The following NUFIP1 variants were observed in gnomAD, a reference collection of about 807,000 sequenced individuals.
The protein encoded by NUFIP1 is FMR1-interacting protein NUFIP1.
In NUFIP1, 38 loss-of-function variants were observed where a neutral mutation model predicts 56.2. The observed-to-expected ratio is 0.68, with a 90% confidence interval of 0.52 to 0.89. The LOEUF is 0.89. Ranked by LOEUF, NUFIP1 falls within the 40% of genes least tolerant of loss-of-function variation. The pLI, the probability that NUFIP1 is intolerant of heterozygous loss-of-function variation, is 0.00. For missense variants in NUFIP1, 567 were observed against 605.8 expected (o/e 0.94, Z 0.67); for synonymous variants, 215 against 212.4 (o/e 1.01, Z -0.10).
chr13:44,959,206 G>C (rs1356011139), intron 7 of NUFIP1, among the ~76,000 whole-genome samples, 175 bp downstream of exon 7: 1 of 152,132 alleles, frequency 6.6e-6, no homozygotes, highest in African/African-American at 2.4e-5. Flanking sequence ...ACTCAGAAAA[G>C]ATGTTCTGAA....
intron 1 of NUFIP1, among the ~76,000 whole-genome samples, chr13:44,986,572 G>C (rs1171136525): frequency 6.6e-6 from 1 of 151,720 alleles, no homozygotes; most frequent in Non-Finnish European, 1.5e-5. Context: ...GGCGCCTGTA[G>C]TCCCAGCTAC....
At chr13:44,961,444 A>T (rs1474202134) in intron 6 of NUFIP1, among the ~76,000 whole-genome samples, 1 of 152,242 alleles carries the variant, frequency 6.6e-6, no homozygotes, top group Non-Finnish European at 1.5e-5. Flanking sequence ...AGAGCAAGAT[A>T]ACACATTAAG....
Position 44,989,302 on chromosome 13 carries a change from T to TGGCGGC in NUFIP1, c.129_134dup (p.Pro48_Pro49dup). The TGGCGGC allele has an allele frequency of 6.2e-7, 1 of 1,613,242 alleles. No homozygotes were observed. Among genetic ancestry groups the TGGCGGC allele is most frequent in the Non-Finnish European group, 8.5e-7 (1 of 1,179,822 alleles). The stretch of plus-strand genomic sequence containing the variant: ...GCGAGGACGTAAGTGGTGGTGGCGG[T>TGGCGGC]GGCGGCAGCATTGCCCAGAACATCC... On this transcript the variant is annotated inframe_insertion, in exon 1 of 10. Transcript: ENST00000379161.
intron 1 of NUFIP1, among the ~76,000 whole-genome samples, chr13:44,984,031 G>A (rs1042652201): frequency 3.3e-5 from 5 of 152,042 alleles, no homozygotes; most frequent in Non-Finnish European, 5.9e-5. Context: ...GACCTTCCAT[G>A]AGATTCTAAT....
chr13:44,973,022 A>G (rs912638033), intron 5 of NUFIP1, among the ~76,000 whole-genome samples: 1 of 152,258 alleles, frequency 6.6e-6, no homozygotes, highest in Non-Finnish European at 1.5e-5. Flanking sequence ...TTTCTTGCTA[A>G]CATTAGAAAA....
intron 5 of NUFIP1, among the ~76,000 whole-genome samples, chr13:44,968,493 T>C (rs1871689594): frequency 6.6e-6 from 1 of 150,914 alleles, no homozygotes; most frequent in Non-Finnish European, 1.5e-5. Flanking sequence ...CAAAGAAAGA[T>C]GAAAGGAACT....
chr13:44,941,659 A>G (rs1337392896), intron 9 of NUFIP1, among the ~76,000 whole-genome samples: 1 of 151,680 alleles, frequency 6.6e-6, no homozygotes, highest in Non-Finnish European at 1.5e-5. Context: ...GACTACAGAC[A>G]CCCGCCACCA....
rs1160679332 is a variant in NUFIP1 at position 44,989,404 on chromosome 13, AG to A, written c.32del (p.Pro11LeufsTer10). Reference sequence around the variant, plus strand: ...GCTCGGGAGACGCATGCCACCCGATAGGAGTCTCGAAATCACTAGTCGGCTC... The same window carrying A: ...GCTCGGGAGACGCATGCCACCCGATAGAGTCTCGAAATCACTAGTCGGCTC... MAEPTSDFET[P>X]IGWHASPELT... On this transcript the variant is annotated frameshift_variant, in exon 1 of 10. Transcript: ENST00000379161. LOFTEE classifies it high-confidence loss of function. The A allele has an allele frequency of 6.2e-7, 1 of 1,613,670 alleles. No homozygotes were observed. The highest frequency in any genetic ancestry group is 8.5e-7 in the Non-Finnish European group (1 of 1,179,878).
intron 3 of NUFIP1, 105 bp downstream of exon 3, chr13:44,980,617 G>T: frequency 1.2e-6 from 1 of 829,628 alleles, no homozygotes; most frequent in Non-Finnish European, 1.9e-6. Flanking sequence ...TATCTCTACA[G>T]AAACTATAAA....
intron 6 of NUFIP1, among the ~76,000 whole-genome samples, chr13:44,965,137 TGA>T (rs1347372378): frequency 6.6e-6 from 1 of 152,142 alleles, no homozygotes; most frequent in Admixed American, 6.6e-5. Flanking sequence ...ACTGAGTGAA[TGA>T]GTCTCATGAG....
intron 1 of NUFIP1, among the ~76,000 whole-genome samples, chr13:44,986,446 C>T (rs931422192): frequency 1.3e-5 from 2 of 152,152 alleles, no homozygotes; most frequent in African/African-American, 4.8e-5. Context: ...AATCCCAACA[C>T]TTTGGGAGGC....
intron 7 of NUFIP1, among the ~76,000 whole-genome samples, chr13:44,956,793 G>A (rs532110496): frequency 3.7e-4 from 57 of 152,094 alleles, no homozygotes; most frequent in East Asian, 9.7e-4. Context: ...GCTGCTCCCC[G>A]CCTCCCCATC....
rs529009344 is a variant in NUFIP1 at position 44,977,064 on chromosome 13, G to C, written c.734+2126C>G. Among the ~76,000 whole-genome samples, 22 of 130,210 alleles carry C rather than the reference G, an allele frequency of 1.7e-4. No homozygotes were observed. The Middle Eastern group carries it at 0.011, about 67-fold the overall frequency. The allele number at this position is 130,210 out of a possible 152,430, so 85.4% of individuals were successfully genotyped here. On this transcript the variant is annotated intron_variant, in intron 5 of 9. Transcript: ENST00000379161. Reference sequence around the variant, plus strand: ...TTTTGGGGGACACATTTAAACCACAGCATGGTCCACACTCCTTCAACTTCT... The same window carrying C: ...TTTTGGGGGACACATTTAAACCACACCATGGTCCACACTCCTTCAACTTCT...
chr13:44,962,841 A>G (rs930326342), intron 6 of NUFIP1, among the ~76,000 whole-genome samples: 1 of 152,186 alleles, frequency 6.6e-6, no homozygotes, highest in Non-Finnish European at 1.5e-5. Context: ...AGATACACAA[A>G]TACTTAGCAT....
chr13:44,974,622 G>A (rs891525577), intron 5 of NUFIP1, among the ~76,000 whole-genome samples: 1 of 152,280 alleles, frequency 6.6e-6, no homozygotes, highest in East Asian at 1.9e-4. Flanking sequence ...CGTAATCACA[G>A]CCCACTGCAA....
intron 7 of NUFIP1, among the ~76,000 whole-genome samples, chr13:44,956,036 G>A (rs541361638): frequency 1.3e-5 from 2 of 151,490 alleles, no homozygotes; most frequent in Non-Finnish European, 2.9e-5. Flanking sequence ...CCAGCTACTC[G>A]GGAGGCTGAG....
chr13:44,962,343 A>G (rs2137906550), intron 6 of NUFIP1, among the ~76,000 whole-genome samples: 1 of 152,326 alleles, frequency 6.6e-6, no homozygotes, highest in South Asian at 2.1e-4. Flanking sequence ...CAGATTTATC[A>G]TAAGTTAGGT....
intron 8 of NUFIP1, 72 bp downstream of exon 8, chr13:44,949,650 T>C: frequency 3.6e-6 from 3 of 838,066 alleles, no homozygotes; most frequent in Non-Finnish European, 3.8e-6. Context: ...CTGGATGTTA[T>C]TAATGCGCAG....
At position 44,965,891 on chromosome 13, in the gene NUFIP1, T is replaced by C. The variant is rs151295968; in HGVS notation, c.780A>G (p.Lys260=). 1.1e-5 allele frequency: 18 copies of C among 1,602,966 alleles called. No homozygotes were observed. In the Admixed American group the frequency reaches 1.2e-4, roughly 11 times the overall value. ...CTGCTCCTCTCTTCTCCTTTTCAAG[T>C]TTTAACTTCTTCTTCCTTTCAATAT... ...LANIERKKKL[K]LEKEKRGAVL... Residue 260 remains lysine (K), a synonymous_variant, in exon 6 of 10, where the codon AAA becomes AAG. Coordinates refer to ENST00000379161, the MANE Select transcript of NUFIP1 (RefSeq NM_012345.3).
Sources: allele counts gnomAD v4.1 joint callset (sites outside exome capture counted in the v4.1 genomes callset), GRCh38; gene constraint gnomAD v4.1.1; transcripts MANE v1.5; gene names NCBI Gene and HGNC (gene_info 2026-07-23, HGNC 2026-07-21).